The following DOCK3 variants were observed in gnomAD, a reference collection of about 807,000 sequenced individuals.
DOCK3 encodes the protein dedicator of cytokinesis protein 3.
DOCK3 carries 60 observed loss-of-function variants against 265.6 expected under a neutral mutation model. The observed-to-expected ratio is 0.23, with a 90% CI of 0.18 to 0.28. DOCK3 has a LOEUF of 0.28. Ranked by LOEUF, DOCK3 falls within the 10% of genes least tolerant of loss-of-function variation. The probability of loss-of-function intolerance (pLI) is 1.00; values close to 1 mark genes in which losing one functional copy is unlikely to be tolerated. For synonymous variants in DOCK3, 881 were observed against 938.0 expected, an observed-to-expected ratio of 0.94 and a Z score of 1.11; for missense variants, 1,981 against 2,594.3, an observed-to-expected ratio of 0.76 and a Z score of 5.14.
chr3:50,787,555 G>C, intron 2 of DOCK3: 1 of 768,956 alleles, frequency 1.3e-6, no homozygotes. Flanking sequence ...ACAACCCTGG[G>C]TCACTTCTCA....
chr3:51,225,514 CATT>C (rs1296309039), intron 14 of DOCK3, 132 bp from the exon 15 acceptor site: 9 of 1,365,728 alleles, frequency 6.6e-6, no homozygotes, highest in Middle Eastern at 4.9e-4. Context: ...GAATGTCCAT[CATT>C]ATTAACCAAG....
rs1338420814 is a variant in DOCK3 at position 51,013,592 on chromosome 3, T to G, written c.316-50856T>G. ...GTATGAAGTGTCAGTCAGCCCCTATTGGGAGGTGTCTCCAAGTTAGTCTAC... is the reference window on the plus strand; with the variant it reads ...GTATGAAGTGTCAGTCAGCCCCTATGGGGAGGTGTCTCCAAGTTAGTCTAC... On this transcript the variant is annotated intron_variant, in intron 5 of 52. Transcript: ENST00000266037. Among the ~76,000 whole-genome samples, 4 of 152,178 alleles carry G rather than the reference T, an allele frequency of 2.6e-5. No individual in the cohort carries two copies. In the East Asian group the frequency reaches 7.7e-4, roughly 29 times the overall value.
In DOCK3 at chr3:50,698,517, GTTTTTTTTTTTT is replaced by G; in HGVS notation, c.37+23231_37+23242del. Among the ~76,000 whole-genome samples, 19 of 19,516 alleles carry G rather than the reference GTTTTTTTTTTTT, an allele frequency of 9.7e-4. 3 individuals carry two copies. Among genetic ancestry groups the G allele is most frequent in the Non-Finnish European group, 1.5e-3 (13 of 8,462 alleles). The allele number at this position is 19,516 out of a possible 152,430, so 12.8% of individuals were successfully genotyped here. A position where few individuals can be genotyped will look rare whatever the true frequency, so the allele number is the denominator to read the frequency against. Reference sequence around the variant, plus strand: ...GTTTCTCTGTGGATGTATGTTTTTGGTTTTTTTTTTTTTTTTTTTTTTTTTGCTATATACCCA... The same window carrying G: ...GTTTCTCTGTGGATGTATGTTTTTGGTTTTTTTTTTTTTGCTATATACCCA... On this transcript the variant is annotated intron_variant, in intron 1 of 52. Coordinates refer to ENST00000266037, the MANE Select transcript of DOCK3 (RefSeq NM_004947.5).
chr3:51,141,467 A>C (rs116007283), intron 9 of DOCK3, among the ~76,000 whole-genome samples: 4 of 152,190 alleles, frequency 2.6e-5, no homozygotes, highest in Non-Finnish European at 4.4e-5. Context: ...TTATATGTAG[A>C]TCTATGATTC....
At chr3:51,088,214 A>G (rs2082501872) in intron 7 of DOCK3, among the ~76,000 whole-genome samples, 1 of 152,306 alleles carries the variant, frequency 6.6e-6, no homozygotes, top group South Asian at 2.1e-4. Context: ...AAACAAAAAA[A>G]TGTGCATCTC....
chr3:51,125,084 T>C (rs2084210168), intron 9 of DOCK3, among the ~76,000 whole-genome samples: 1 of 152,086 alleles, frequency 6.6e-6, no homozygotes, highest in South Asian at 2.1e-4. Flanking sequence ...ATCACGCCAC[T>C]GCACTCCAGC....
intron 5 of DOCK3, among the ~76,000 whole-genome samples, chr3:51,008,578 G>A (rs534389510): frequency 6.6e-6 from 1 of 152,270 alleles, no homozygotes; most frequent in South Asian, 2.1e-4. Context: ...CTGCAACAGG[G>A]ACAATTTGAC....
intron 1 of DOCK3, among the ~76,000 whole-genome samples, chr3:50,721,750 A>G (rs1032330514): frequency 1.3e-5 from 2 of 152,208 alleles, no homozygotes; most frequent in Non-Finnish European, 2.9e-5. Flanking sequence ...GTAGTTTGAT[A>G]GGACTAGCAT....
chr3:51,043,877 C>T (rs983575408), intron 5 of DOCK3, among the ~76,000 whole-genome samples: 11 of 151,932 alleles, frequency 7.2e-5, no homozygotes, highest in African/African-American at 2.7e-4. Context: ...CACAATGAGA[C>T]ACCATCTAAT....
intron 5 of DOCK3, among the ~76,000 whole-genome samples, chr3:50,993,674 A>G (rs182966673): frequency 7.2e-5 from 11 of 152,220 alleles, no homozygotes; most frequent in Admixed American, 2.6e-4. Flanking sequence ...CTTTACTTCT[A>G]TTGCTTTCAT....
intron 22 of DOCK3, among the ~76,000 whole-genome samples, chr3:51,252,800 G>A (rs946500628): frequency 5.9e-5 from 9 of 152,114 alleles, no homozygotes; most frequent in South Asian, 2.1e-4. Context: ...CAATCATGTC[G>A]TCTGCAAACA....
At chr3:50,837,058 A>G (rs1401837995) in intron 2 of DOCK3, among the ~76,000 whole-genome samples, 1 of 152,196 alleles carries the variant, frequency 6.6e-6, no homozygotes, top group East Asian at 1.9e-4. Flanking sequence ...TCATTTAACA[A>G]GTCTCTAGGA....
At chr3:51,167,482 A>G (rs571071122) in intron 12 of DOCK3, among the ~76,000 whole-genome samples, 1 of 152,232 alleles carries the variant, frequency 6.6e-6, no homozygotes, top group Non-Finnish European at 1.5e-5. Flanking sequence ...TTCCTGTGAA[A>G]AATGTCATTT....
At chr3:51,232,509 C>T (rs1438585147) in intron 19 of DOCK3, among the ~76,000 whole-genome samples, 1 of 152,122 alleles carries the variant, frequency 6.6e-6, no homozygotes. Context: ...AAAAGTATTC[C>T]CTTTTCACCA....
chr3:51,290,952 C>T (rs1348155549), intron 27 of DOCK3, among the ~76,000 whole-genome samples: 4 of 152,100 alleles, frequency 2.6e-5, no homozygotes, highest in Admixed American at 1.3e-4. Flanking sequence ...GTGGCGGGCA[C>T]CTGTAATCCC....
At chr3:50,896,063 A>G (rs2048880189) in intron 4 of DOCK3, among the ~76,000 whole-genome samples, 1 of 152,054 alleles carries the variant, frequency 6.6e-6, no homozygotes, top group Non-Finnish European at 1.5e-5. Flanking sequence ...GTCAATTTGT[A>G]TTTCTGGTTC....
At chr3:50,782,359 C>T (rs1038674277) in intron 2 of DOCK3, among the ~76,000 whole-genome samples, 1 of 132,268 alleles carries the variant, frequency 7.6e-6, no homozygotes. Flanking sequence ...GGCGCGATCT[C>T]GGCTCACTGC....
At chr3:51,149,718 C>G (rs1000529330) in intron 10 of DOCK3, among the ~76,000 whole-genome samples, 14 of 152,116 alleles carry the variant, frequency 9.2e-5, no homozygotes, top group African/African-American at 1.7e-4. Context: ...TAGGCTTTTT[C>G]ATGTGCTGCT....
chr3:51,203,303 A>C (rs565553883), intron 12 of DOCK3, among the ~76,000 whole-genome samples: 1 of 152,364 alleles, frequency 6.6e-6, no homozygotes, highest in African/African-American at 2.4e-5. Flanking sequence ...TTAAGCTGAT[A>C]AGCAAATTCA....
Sources: gnomAD v4.1 joint callset for allele counts (sites outside exome capture counted in the v4.1 genomes callset) on GRCh38, gnomAD v4.1.1 for gene constraint, MANE v1.5 for transcripts, NCBI Gene and HGNC (gene_info 2026-07-23, HGNC 2026-07-21) for gene names.